The following PRKCB variants were observed in gnomAD, a reference collection of about 807,000 sequenced individuals.
PRKCB encodes protein kinase C beta type.
PRKCB carries 13 observed loss-of-function variants against 81.5 expected under a neutral mutation model. The observed-to-expected ratio is 0.16, with a 90% CI of 0.10 to 0.25. The LOEUF is 0.25. Among genes scored for constraint, PRKCB ranks in the 10% least tolerant of loss-of-function variants. The probability of loss-of-function intolerance (pLI) is 1.00; values close to 1 mark genes in which losing one functional copy is unlikely to be tolerated. For missense variants in PRKCB, 509 were observed against 875.7 expected, an observed-to-expected ratio of 0.58 and a Z score of 5.29; for synonymous variants, 335 against 321.4, an observed-to-expected ratio of 1.04 and a Z score of -0.45.
intron 2 of PRKCB, among the ~76,000 whole-genome samples, chr16:23,971,625 C>G (rs934422939): frequency 6.6e-6 from 1 of 152,154 alleles, no homozygotes; most frequent in African/African-American, 2.4e-5. Flanking sequence ...TCTCTGGCCC[C>G]GCTCTGTGAT....
intron 5 of PRKCB, among the ~76,000 whole-genome samples, chr16:24,085,612 C>T (rs1252821624): frequency 6.6e-6 from 1 of 152,062 alleles, no homozygotes; most frequent in Non-Finnish European, 1.5e-5. Flanking sequence ...GATGGTCACC[C>T]CCACTATTAT....
chr16:23,980,442 CCAAA>C (rs1964681501), intron 2 of PRKCB, among the ~76,000 whole-genome samples: 1 of 152,210 alleles, frequency 6.6e-6, no homozygotes, highest in African/African-American at 2.4e-5. Flanking sequence ...CCCTTTTCCA[CCAAA>C]CAGTTTGCAT....
intron 9 of PRKCB, among the ~76,000 whole-genome samples, chr16:24,138,726 T>C (rs1484856134): frequency 1.3e-5 from 2 of 152,138 alleles, no homozygotes; most frequent in Non-Finnish European, 2.9e-5. Context: ...GTTTGTACCC[T>C]TTAATCAACA....
chr16:23,971,651 G>A (rs981431153), intron 2 of PRKCB, among the ~76,000 whole-genome samples: 2 of 152,132 alleles, frequency 1.3e-5, no homozygotes, highest in Non-Finnish European at 2.9e-5. Flanking sequence ...CCCCCGCGAG[G>A]TTGCCCATCT....
In PRKCB at chr16:23,923,208, G is replaced by A. The variant is rs747027893; in HGVS notation, c.206-65300G>A. On this transcript the variant is annotated intron_variant, in intron 2 of 16. Transcript: ENST00000643927. Reference sequence around the variant, plus strand: ...GCCTTTATAAAACCAAAAAGTCCAAGGGTAGCTGCCTTCAGGTATTGTCTG... The same window carrying A: ...GCCTTTATAAAACCAAAAAGTCCAAAGGTAGCTGCCTTCAGGTATTGTCTG... Among the ~76,000 whole-genome samples the A allele has an allele frequency of 2.8e-4, 42 of 152,160 alleles. 1 individual carries two copies. The highest frequency in any genetic ancestry group is 3.4e-3 in the Middle Eastern group (1 of 294).
intron 3 of PRKCB, among the ~76,000 whole-genome samples, chr16:24,002,867 T>C (rs562643324): frequency 1.3e-5 from 2 of 152,286 alleles, no homozygotes; most frequent in East Asian, 3.9e-4. Context: ...CTGCTTTCTC[T>C]GAGAGACTAA....
intron 2 of PRKCB, among the ~76,000 whole-genome samples, chr16:23,967,016 T>TA (rs1964496165): frequency 1.3e-5 from 2 of 151,678 alleles, no homozygotes; most frequent in South Asian, 4.2e-4. Flanking sequence ...GTTTCCATTT[T>TA]TTTTTTTTTT....
At chr16:23,847,378 GTCCA>G (rs1962392556) in intron 2 of PRKCB, among the ~76,000 whole-genome samples, 1 of 5,026 alleles carries the variant, frequency 2.0e-4, no homozygotes. Flanking sequence ...CTATCTATCT[GTCCA>G]TCTATCTATC....
chr16:24,173,000 G>A (rs1006697613), intron 11 of PRKCB, among the ~76,000 whole-genome samples: 1 of 152,174 alleles, frequency 6.6e-6, no homozygotes, highest in African/African-American at 2.4e-5. Context: ...GAGATGCAAG[G>A]TTTTGAAAGC....
At chr16:23,984,959 G>A (rs1465368389) in intron 2 of PRKCB, among the ~76,000 whole-genome samples, 2 of 152,020 alleles carry the variant, frequency 1.3e-5, no homozygotes, top group South Asian at 2.1e-4. Context: ...TATTATTTGG[G>A]GTAATACGGT....
At chr16:24,183,112 G>A (rs1007534383) in intron 13 of PRKCB, among the ~76,000 whole-genome samples, 7 of 151,854 alleles carry the variant, frequency 4.6e-5, no homozygotes, top group African/African-American at 1.5e-4. Context: ...CGCCCGCCTC[G>A]GCCTCCCAAA....
intron 3 of PRKCB, 59 bp from the exon 4 acceptor site, chr16:24,032,077 A>G (rs1596520678): frequency 8.0e-7 from 1 of 1,250,354 alleles, no homozygotes; most frequent in East Asian, 2.3e-5. Context: ...TCGATGTAGG[A>G]TGAACCGTTG....
intron 12 of PRKCB, among the ~76,000 whole-genome samples, chr16:24,180,242 C>G (rs1044264611): frequency 6.6e-6 from 1 of 152,168 alleles, no homozygotes; most frequent in Admixed American, 6.5e-5. Context: ...TGTGCCCTGC[C>G]AAATGTATTT....
At chr16:24,040,335 A>C (rs1160249627) in intron 5 of PRKCB, among the ~76,000 whole-genome samples, 1 of 152,092 alleles carries the variant, frequency 6.6e-6, no homozygotes, top group African/African-American at 2.4e-5. Flanking sequence ...CACACACCAT[A>C]AGACATCTGT....
intron 3 of PRKCB, among the ~76,000 whole-genome samples, chr16:23,988,868 G>T (rs1964835994): frequency 6.6e-6 from 1 of 152,128 alleles, no homozygotes; most frequent in African/African-American, 2.4e-5. Flanking sequence ...GGGCCTACTT[G>T]GTAGTGTGGC....
chr16:23,865,494 TATATATATATATATATATATATA>T, intron 2 of PRKCB, among the ~76,000 whole-genome samples: 1 of 24,640 alleles, frequency 4.1e-5, no homozygotes, highest in Admixed American at 5.0e-4. Flanking sequence ...TATATATATA[TATATATATATATATATATATATA>T]TGTGTGTGTG....
chr16:24,148,410 C>G (rs1967025889), intron 9 of PRKCB, among the ~76,000 whole-genome samples: 1 of 152,124 alleles, frequency 6.6e-6, no homozygotes, highest in Non-Finnish European at 1.5e-5. Context: ...GGAACCTTGT[C>G]GTTCTGCATT....
At chr16:23,920,207 G>A (rs1481802741) in intron 2 of PRKCB, among the ~76,000 whole-genome samples, 1 of 152,102 alleles carries the variant, frequency 6.6e-6, no homozygotes, top group Non-Finnish European at 1.5e-5. Flanking sequence ...GTATGAGGTG[G>A]TATCTCATTG....
chr16:23,979,450 C>T (rs1045354721), intron 2 of PRKCB, among the ~76,000 whole-genome samples: 1 of 152,132 alleles, frequency 6.6e-6, no homozygotes, highest in Non-Finnish European at 1.5e-5. Context: ...TTTATGGAAA[C>T]TTGGGCTCAT....
Sources: allele counts gnomAD v4.1 joint callset (sites outside exome capture counted in the v4.1 genomes callset), GRCh38; gene constraint gnomAD v4.1.1; transcripts MANE v1.5; gene names NCBI Gene and HGNC (gene_info 2026-07-23, HGNC 2026-07-21).